Variants in EPS8 observed in about 807,000 individuals in gnomAD.
The protein encoded by EPS8 is EGFR pathway substrate 8, signaling adaptor.
Under a neutral mutation model 103.8 loss-of-function variants are expected in EPS8, and 42 were observed. That is an observed-to-expected ratio of 0.40 (90% CI 0.32 to 0.52). EPS8 has a LOEUF of 0.52. Among genes scored for constraint, EPS8 ranks in the 20% least tolerant of loss-of-function variants. EPS8 has a pLI of 0.40. For synonymous variants in EPS8, 344 were observed against 344.6 expected (o/e 1.00, Z 0.02); for missense variants, 969 against 1,005.1 (o/e 0.96, Z 0.49).
intron 17 of EPS8, chr12:15,634,750 C>T (rs1420999796): frequency 4.3e-5 from 17 of 398,584 alleles, no homozygotes; most frequent in East Asian, 3.9e-4. Context: ...TCTGACAGCT[C>T]GCCAAGTAAT....
chr12:15,621,176 C>A lies in EPS8; in HGVS notation c.*141G>T, dbSNP rs1944855273. 2.2e-6 allele frequency: 1 copy of A among 457,912 alleles called. No individual in the cohort carries two copies. Among genetic ancestry groups the A allele is most frequent in the East Asian group, 3.7e-5 (1 of 27,014 alleles). The allele number at this position is 457,912 out of a possible 1,614,324, so 28.4% of individuals were successfully genotyped here. On this transcript the variant is annotated 3_prime_UTR_variant, in exon 21 of 21. Coordinates refer to ENST00000281172, the MANE Select transcript of EPS8 (RefSeq NM_004447.6). ...TGGGCCTAGAAGCAAATCCTGTGCT[C>A]ACTCAGGTTTGCATGGGTTTTTTTT... is the stretch of plus-strand genomic sequence containing the variant.
Position 15,761,523 on chromosome 12 carries a change from G to A in EPS8, c.-22+27638C>T, listed in dbSNP as rs987856143. Among the ~76,000 whole-genome samples, 2 of 152,054 alleles carry A rather than the reference G, an allele frequency of 1.3e-5. No homozygotes were observed. Among genetic ancestry groups the A allele is most frequent in the East Asian group, 1.9e-4 (1 of 5,182 alleles). On this transcript the variant is annotated intron_variant, in intron 1 of 20. Transcript: ENST00000281172. The surrounding 1 kb of genome is among the most constrained non-coding windows in gnomAD (Gnocchi z 4.5). The stretch of plus-strand genomic sequence containing the variant: ...CAAAACTGGAAGAATCACATTACCT[G>A]ATTTCAAATTATACTATGGAGCTAT...
rs1945043711 is a variant in EPS8 at position 15,631,452 on chromosome 12, A to C, written c.2034T>G (p.Leu678=). 2 of 1,613,906 alleles carry C rather than the reference A, an allele frequency of 1.2e-6. No individual in the cohort carries two copies. Among genetic ancestry groups the C allele is most frequent in the Admixed American group, 3.3e-5 (2 of 60,006 alleles). ...CCCTGGGAAACTTACGGTCCACCGG[A>C]AGTTGTTTGTGTCTCTGGCTGTCTC... The part of the protein sequence containing the change: ...IVRDSQRHKQ[L]PVDRRKSQME... The change falls in exon 18 of 21, where the codon CTT becomes CTG. Residue 678 remains leucine (L), a synonymous_variant. Transcript: ENST00000281172.
chr12:15,670,719 A>T (rs992597180), intron 4 of EPS8, 137 bp downstream of exon 4: 21 of 565,410 alleles, frequency 3.7e-5, no homozygotes, highest in African/African-American at 3.5e-4. Context: ...TATCTGTTTT[A>T]AAAAATCTAA....
chr12:15,765,811 T>G (rs919337131), intron 1 of EPS8, among the ~76,000 whole-genome samples: 1 of 151,382 alleles, frequency 6.6e-6, no homozygotes, highest in African/African-American at 2.4e-5. Context: ...TGGTTTTTTT[T>G]TTTTGGTTTT....
chr12:15,754,219 A>C, intron 1 of EPS8, among the ~76,000 whole-genome samples: 1 of 150,876 alleles, frequency 6.6e-6, no homozygotes, highest in Non-Finnish European at 1.5e-5. Context: ...CAATTAAGAC[A>C]CTTGTTCCAT....
intron 6 of EPS8, among the ~76,000 whole-genome samples, 162 bp downstream of exon 6, chr12:15,669,225 T>G (rs574830419): frequency 1.3e-5 from 2 of 152,208 alleles, no homozygotes; most frequent in African/African-American, 4.8e-5. Flanking sequence ...TTACTTGCCA[T>G]GGAAATCCTA....
intron 1 of EPS8, among the ~76,000 whole-genome samples, chr12:15,739,899 A>T (rs575340411): frequency 1.3e-5 from 2 of 152,278 alleles, no homozygotes; most frequent in African/African-American, 4.8e-5. Context: ...AGGTCCCTTG[A>T]GGTCACTTTA....
intron 17 of EPS8, among the ~76,000 whole-genome samples, chr12:15,639,848 T>C (rs2135751946): frequency 6.6e-6 from 1 of 152,340 alleles, no homozygotes; most frequent in East Asian, 1.9e-4. Flanking sequence ...GACATTATTA[T>C]GAGGTCAGAT....
chr12:15,726,973 C>T (rs1946660439), intron 1 of EPS8, among the ~76,000 whole-genome samples: 1 of 152,056 alleles, frequency 6.6e-6, no homozygotes, highest in South Asian at 2.1e-4. Context: ...CACAGCATAA[C>T]CAGAACTGTA....
intron 1 of EPS8, among the ~76,000 whole-genome samples, chr12:15,694,748 A>G (rs1292490477): frequency 1.3e-5 from 2 of 152,198 alleles, no homozygotes; most frequent in East Asian, 3.8e-4. Context: ...CATAGTCATT[A>G]AAAAATAAAG....
Position 15,747,574 on chromosome 12 carries a change from G to C in EPS8, c.-22+41587C>G, listed in dbSNP as rs1946887886. Among the ~76,000 whole-genome samples, 1 of 152,118 alleles carries C rather than the reference G, an allele frequency of 6.6e-6. No individual in the cohort carries two copies. Among genetic ancestry groups the C allele is most frequent in the Non-Finnish European group, 1.5e-5 (1 of 68,004 alleles). ...AAGAAAGTGGCAAATGATCAAAAAAGTAACTTGGGGGGAGCCCAAAACATA... is the reference window on the plus strand; with the variant it reads ...AAGAAAGTGGCAAATGATCAAAAAACTAACTTGGGGGGAGCCCAAAACATA... On this transcript the variant is annotated intron_variant, in intron 1 of 20. Transcript: ENST00000281172. This position sits in a 1 kb window ranked among gnomAD's most constrained non-coding sequence, Gnocchi z 4.4.
Position 15,621,428 on chromosome 12 carries a change from A to G in EPS8, c.2358T>C (p.Asp786=). ...CTTGTAACTCGGAGCTGCCACTGCTATCCTGAAAGATAAACAGTTCAGACA... is the reference window on the plus strand; with the variant it reads ...CTTGTAACTCGGAGCTGCCACTGCTGTCCTGAAAGATAAACAGTTCAGACA... ...QITVQKAALE[D]SSGSSELQEI... is the part of the protein sequence containing the mutation. The change falls in exon 21 of 21, where the codon GAT becomes GAC. Residue 786 remains aspartate, a splice_region_variant and synonymous_variant. Transcript: ENST00000281172. The G allele has an allele frequency of 6.4e-7, 1 of 1,567,332 alleles. No individual in the cohort carries two copies. Among genetic ancestry groups the G allele is most frequent in the Non-Finnish European group, 8.7e-7 (1 of 1,143,714 alleles).
Position 15,728,434 on chromosome 12 carries a change from C to T in EPS8, c.-21-45462G>A, listed in dbSNP as rs1591901579. Among the ~76,000 whole-genome samples, 2 of 152,202 alleles carry T rather than the reference C, an allele frequency of 1.3e-5. No individual in the cohort carries two copies. Among genetic ancestry groups the T allele is most frequent in the South Asian group, 4.2e-4 (2 of 4,816 alleles). On this transcript the variant is annotated intron_variant, in intron 1 of 20. Coordinates refer to ENST00000281172, the MANE Select transcript of EPS8 (RefSeq NM_004447.6). This position sits in a 1 kb window ranked among gnomAD's most constrained non-coding sequence, Gnocchi z 4.5. ...TGGCCCTTTTAAGAACACTGGATCC[C>T]GACTCATGGAAGGGTCATCTGTTCC...
At chr12:15,662,348 C>A in intron 8 of EPS8, 1 of 1,211,752 alleles carries the variant, frequency 8.3e-7, no homozygotes, top group Non-Finnish European at 1.0e-6. Context: ...TGTAATATCA[C>A]CCCATTCTCT....
At chr12:15,644,697 C>CAA (rs10559403) in intron 15 of EPS8, among the ~76,000 whole-genome samples, 2 of 122,142 alleles carry the variant, frequency 1.6e-5, no homozygotes, top group Non-Finnish European at 1.8e-5. Flanking sequence ...GACTCTGTCT[C>CAA]AAAAAAAAAA....
At chr12:15,758,872 G>C (rs1947014060) in intron 1 of EPS8, among the ~76,000 whole-genome samples, 1 of 152,154 alleles carries the variant, frequency 6.6e-6, no homozygotes, top group Non-Finnish European at 1.5e-5. Context: ...GTTGGAGGCA[G>C]GGAAATATAC....
At chr12:15,681,111 C>A in intron 3 of EPS8, 115 bp downstream of exon 3, 1 of 418,124 alleles carries the variant, frequency 2.4e-6, no homozygotes, top group Non-Finnish European at 4.4e-6. Flanking sequence ...ATTTAGCTAT[C>A]ACTGCCTCAT....
intron 1 of EPS8, among the ~76,000 whole-genome samples, chr12:15,715,394 C>CTTTTTTTTTTTT (rs3086457): frequency 3.7e-4 from 47 of 127,154 alleles, no homozygotes; most frequent in Non-Finnish European, 6.2e-4. Flanking sequence ...CTTTACTTTT[C>CTTTTTTTTTTTT]TTTTTTTTTT....
Sources: allele counts gnomAD v4.1 joint callset (sites outside exome capture counted in the v4.1 genomes callset), GRCh38; gene constraint gnomAD v4.1.1; non-coding constraint Gnocchi (gnomAD v3.1); transcripts MANE v1.5; gene names NCBI Gene and HGNC (gene_info 2026-07-23, HGNC 2026-07-21).